The following FOCAD variants were observed in gnomAD, a reference collection of about 807,000 sequenced individuals.
FOCAD encodes the protein KIAA1797.
FOCAD carries 198 observed loss-of-function variants against 225.6 expected under a neutral mutation model. That is an observed-to-expected ratio of 0.88 (90% confidence interval 0.78 to 0.99). The LOEUF (loss-of-function observed/expected upper bound fraction) is 0.99, where lower values mean the gene tolerates loss of function less well. Among genes scored for constraint, FOCAD ranks in the 50% least tolerant of loss-of-function variants. FOCAD has a pLI of 0.00. For synonymous variants in FOCAD, 897 were observed against 755.0 expected (o/e 1.19, Z -3.08); for missense variants, 2,713 against 2,123.6 (o/e 1.28, Z -5.46).
At chr9:20,725,457 G>C (rs1826119785) in intron 4 of FOCAD, among the ~76,000 whole-genome samples, 1 of 152,188 alleles carries the variant, frequency 6.6e-6, no homozygotes, top group African/African-American at 2.4e-5. Context: ...GATAGAAAAA[G>C]CCAATAGTGA....
chr9:20,760,266 T>A (rs1430231270), intron 6 of FOCAD, among the ~76,000 whole-genome samples: 1 of 152,258 alleles, frequency 6.6e-6, no homozygotes, highest in African/African-American at 2.4e-5. Flanking sequence ...CCTTTGGCTC[T>A]GTTTTCATAG....
chr9:20,964,602 C>G (rs994418904), intron 35 of FOCAD, among the ~76,000 whole-genome samples: 9 of 151,742 alleles, frequency 5.9e-5, no homozygotes, highest in Non-Finnish European at 1.3e-4. Flanking sequence ...GTGGCGTGAT[C>G]TTGGCTCACT....
chr9:20,664,907 A>G (rs973637857), intron 2 of FOCAD, among the ~76,000 whole-genome samples: 1 of 152,046 alleles, frequency 6.6e-6, no homozygotes, highest in Non-Finnish European at 1.5e-5. Flanking sequence ...CTATTTTTCA[A>G]AATACCAGTT....
intron 11 of FOCAD, among the ~76,000 whole-genome samples, chr9:20,819,001 G>A (rs1824032274): frequency 1.3e-5 from 2 of 152,066 alleles, no homozygotes; most frequent in African/African-American, 4.8e-5. Context: ...ATCCATGAAT[G>A]TATTTCTTTT....
chr9:20,889,580 T>C (rs562236150), intron 21 of FOCAD, among the ~76,000 whole-genome samples: 1 of 152,222 alleles, frequency 6.6e-6, no homozygotes, highest in African/African-American at 2.4e-5. Flanking sequence ...GTACTCACTT[T>C]TGTTCCATTG....
intron 23 of FOCAD, among the ~76,000 whole-genome samples, chr9:20,916,319 A>G (rs1392422085): frequency 6.6e-6 from 1 of 152,210 alleles, no homozygotes; most frequent in East Asian, 1.9e-4. Context: ...CCTTCTTTCT[A>G]ACCCACAAGT....
intron 7 of FOCAD, among the ~76,000 whole-genome samples, chr9:20,769,362 C>G (rs540806405): frequency 3.3e-5 from 5 of 152,286 alleles, no homozygotes; most frequent in Non-Finnish European, 7.3e-5. Flanking sequence ...TGTTTGTAAT[C>G]TCTGGGAAAT....
chr9:20,960,406 G>C (rs1838594007), intron 35 of FOCAD, among the ~76,000 whole-genome samples: 1 of 152,088 alleles, frequency 6.6e-6, no homozygotes. Context: ...TCTCCACTAT[G>C]AACTTATTCT....
intron 4 of FOCAD, among the ~76,000 whole-genome samples, chr9:20,738,716 A>T (rs1827353765): frequency 6.6e-6 from 1 of 152,234 alleles, no homozygotes; most frequent in Admixed American, 6.5e-5. Flanking sequence ...GCACTAAACT[A>T]TTTGAGTGTC....
At chr9:20,977,512 C>T (rs1438743198) in intron 36 of FOCAD, among the ~76,000 whole-genome samples, 2 of 152,130 alleles carry the variant, frequency 1.3e-5, no homozygotes, top group African/African-American at 4.8e-5. Context: ...TTGTTCCCCA[C>T]CCTAACTCCA....
chr9:20,773,725 T>A (rs1220464101), intron 8 of FOCAD, among the ~76,000 whole-genome samples: 2 of 152,208 alleles, frequency 1.3e-5, no homozygotes, highest in Non-Finnish European at 2.9e-5. Context: ...ATCTTTTAAG[T>A]GTCTTTCCAA....
chr9:20,812,746 A>T lies in FOCAD; in HGVS notation c.1456-7050A>T, dbSNP rs1335017272. On this transcript the variant is annotated intron_variant, in intron 11 of 43. Coordinates refer to ENST00000338382, the MANE Select transcript of FOCAD (RefSeq NM_001375567.1). The stretch of plus-strand genomic sequence containing the variant: ...CATAAACTCCTATCCACATTTTGCC[A>T]TCATCTAACTTTGTGGTCTTTTTGG... Among the ~76,000 whole-genome samples, 3 of 152,228 alleles carry T rather than the reference A, an allele frequency of 2.0e-5. No homozygotes were observed. In the East Asian group the frequency reaches 5.8e-4, roughly 29 times the overall value.
At chr9:20,985,501 G>C (rs977430865) in intron 39 of FOCAD, among the ~76,000 whole-genome samples, 3 of 152,134 alleles carry the variant, frequency 2.0e-5, no homozygotes, top group Admixed American at 1.3e-4. Context: ...ATTTCCTTCA[G>C]TTTCAAGAAA....
At chr9:20,764,786 G>A in intron 6 of FOCAD, 83 bp from the exon 7 acceptor site, 2 of 1,014,908 alleles carry the variant, frequency 2.0e-6, no homozygotes, top group East Asian at 4.8e-5. Context: ...GTTATGTCAT[G>A]AACTATAAGT....
At position 20,927,465 on chromosome 9, in the gene FOCAD, T is replaced by C. The variant is rs778547339; in HGVS notation, c.3078+1048T>C. Among the ~76,000 whole-genome samples the C allele has an allele frequency of 3.4e-4, 51 of 152,228 alleles. 1 individual carries two copies. Among genetic ancestry groups the C allele is most frequent in the Middle Eastern group, 3.4e-3 (1 of 294 alleles). On this transcript the variant is annotated intron_variant, in intron 26 of 43. Coordinates refer to ENST00000338382, the MANE Select transcript of FOCAD (RefSeq NM_001375567.1). ...AGATTGTGAAGATCAAATAATATAC[T>C]TTATGTAAAAAGTTTTGAAAACTGT... is the stretch of plus-strand genomic sequence containing the variant.
At chr9:20,805,898 A>C (rs916222483) in intron 11 of FOCAD, among the ~76,000 whole-genome samples, 5 of 152,240 alleles carry the variant, frequency 3.3e-5, no homozygotes, top group African/African-American at 1.2e-4. Context: ...GGCTTGACCT[A>C]GCTGCTGCTG....
chr9:20,731,446 TA>T (rs572605875), intron 4 of FOCAD, among the ~76,000 whole-genome samples: 1,607 of 152,262 alleles, frequency 0.011, 21 homozygotes, highest in African/African-American at 0.036. Flanking sequence ...TATTATTTTG[TA>T]AAAAACTAAA....
intron 7 of FOCAD, among the ~76,000 whole-genome samples, chr9:20,766,422 T>G (rs1488916295): frequency 6.6e-6 from 1 of 152,226 alleles, no homozygotes; most frequent in Non-Finnish European, 1.5e-5. Context: ...TTATACTCTC[T>G]GAAACATGAC....
At chr9:20,988,530 G>C in intron 41 of FOCAD, 101 bp downstream of exon 41, 1 of 232,166 alleles carries the variant, frequency 4.3e-6, no homozygotes, top group East Asian at 1.3e-4. Context: ...GGCAAAAACT[G>C]CAATTACTTT....
Sources: gnomAD v4.1 joint callset for allele counts (sites outside exome capture counted in the v4.1 genomes callset) on GRCh38, gnomAD v4.1.1 for gene constraint, MANE v1.5 for transcripts, NCBI Gene and HGNC (gene_info 2026-07-23, HGNC 2026-07-21) for gene names.